GPHN: variants seen among roughly 807,000 people sequenced by gnomAD.
GPHN encodes gephyrin.
A neutral mutation model predicts 95.5 loss-of-function variants in GPHN; 17 were observed. That is an observed-to-expected ratio of 0.18 (90% CI 0.12 to 0.27). GPHN has a LOEUF of 0.27. Ranked by LOEUF, GPHN falls within the 10% of genes least tolerant of loss-of-function variation. The pLI, the probability that GPHN is intolerant of heterozygous loss-of-function variation, is 1.00. For synonymous variants in GPHN, 320 were observed against 322.5 expected (o/e 0.99, Z 0.08); for missense variants, 660 against 978.1 (o/e 0.67, Z 4.34).
chr14:67,359,905 C>A, the GPHN span: 1 of 589,326 alleles, frequency 1.7e-6, no homozygotes. Context: ...AGAACAGAGG[C>A]GTTGCCCGGA....
At chr14:67,270,144 A>G in the GPHN span, 1 of 152,182 alleles carries the variant, frequency 6.6e-6, no homozygotes, top group African/African-American at 2.4e-5. Flanking sequence ...TACCCTTTTC[A>G]GTGGGTCTGT....
chr14:67,033,239 A>G (rs2074271820), intron 10 of GPHN, among the ~76,000 whole-genome samples: 1 of 152,138 alleles, frequency 6.6e-6, no homozygotes, highest in Non-Finnish European at 1.5e-5. Flanking sequence ...AGGAGCAAAA[A>G]GAAAAAAAAG....
chr14:67,279,549 T>A, the GPHN span: 1 of 1,517,454 alleles, frequency 6.6e-7, no homozygotes, highest in Non-Finnish European at 8.8e-7. Context: ...TAAGTAAAAA[T>A]AGAGGTATAA....
intron 19 of GPHN, among the ~76,000 whole-genome samples, chr14:67,163,912 C>T (rs999678598): frequency 1.3e-5 from 2 of 151,922 alleles, no homozygotes; most frequent in Non-Finnish European, 2.9e-5. Context: ...TCCACCCCAC[C>T]TCCTATGATA....
At chr14:67,610,517 G>A in the GPHN span, among the ~76,000 whole-genome samples, 3 of 152,276 alleles carry the variant, frequency 2.0e-5, no homozygotes, top group Admixed American at 2.0e-4. Flanking sequence ...TCTGTTTTCT[G>A]TAAGTTGCTT....
At chr14:67,038,086 A>G (rs1317916500) in intron 10 of GPHN, among the ~76,000 whole-genome samples, 2 of 152,092 alleles carry the variant, frequency 1.3e-5, no homozygotes, top group Non-Finnish European at 2.9e-5. Flanking sequence ...GATAGGCAAA[A>G]TATGGTCTAT....
intron 15 of GPHN, among the ~76,000 whole-genome samples, chr14:67,112,507 G>A (rs1214909144): frequency 1.3e-5 from 2 of 152,168 alleles, no homozygotes; most frequent in African/African-American, 4.8e-5. Flanking sequence ...CAAGGTTAAT[G>A]TACCTCAGTA....
chr14:67,724,428 C>T, the GPHN span: 2 of 1,174,310 alleles, frequency 1.7e-6, no homozygotes, highest in Non-Finnish European at 2.5e-6. Flanking sequence ...TTAGTGTGAG[C>T]TCGTGAAGGA....
the GPHN span, among the ~76,000 whole-genome samples, chr14:67,306,513 TTGTGTGTG>T: frequency 1.4e-5 from 2 of 147,430 alleles, no homozygotes; most frequent in Non-Finnish European, 3.0e-5. Flanking sequence ...CTGGCTGAAT[TTGTGTGTG>T]TGTGTGTGTG....
intron 9 of GPHN, among the ~76,000 whole-genome samples, chr14:67,004,383 A>G (rs117029684): frequency 0.012 from 1,830 of 151,908 alleles, 19 homozygotes; most frequent in Non-Finnish European, 0.018. Flanking sequence ...TTTAACATCT[A>G]TACATTGCTA....
intron 2 of GPHN, among the ~76,000 whole-genome samples, chr14:66,696,326 G>C (rs193061573): frequency 6.6e-4 from 100 of 152,238 alleles, no homozygotes; most frequent in African/African-American, 2.3e-3. Flanking sequence ...GTAAAGTTTT[G>C]TTTTACTATC....
At chr14:67,097,200 G>A (rs2077441805) in intron 12 of GPHN, among the ~76,000 whole-genome samples, 1 of 152,134 alleles carries the variant, frequency 6.6e-6, no homozygotes, top group Non-Finnish European at 1.5e-5. Context: ...GAGGATGCAC[G>A]CAACTCTTGA....
chr14:66,571,430 C>CT (rs1418610185), intron 1 of GPHN, among the ~76,000 whole-genome samples: 2 of 152,142 alleles, frequency 1.3e-5, no homozygotes, highest in Non-Finnish European at 2.9e-5. Flanking sequence ...TTCTCTCATT[C>CT]TGTAGGCTGT....
chr14:67,619,843 G>A, the GPHN span: 3 of 603,940 alleles, frequency 5.0e-6, no homozygotes, highest in South Asian at 6.3e-5. Flanking sequence ...GGGCGGCGGG[G>A]CCAATGTGGC....
chr14:67,284,263 T>G, the GPHN span, among the ~76,000 whole-genome samples: 1 of 152,080 alleles, frequency 6.6e-6, no homozygotes, highest in Non-Finnish European at 1.5e-5. Flanking sequence ...CATAAAATTT[T>G]GTCTTTTAAA....
chr14:67,399,238 G>T, the GPHN span, among the ~76,000 whole-genome samples: 2 of 151,906 alleles, frequency 1.3e-5, no homozygotes, highest in East Asian at 1.9e-4. Context: ...TAGTTTAGGT[G>T]GCTGTCAGGT....
At chr14:66,637,943 A>G (rs929727604) in intron 1 of GPHN, among the ~76,000 whole-genome samples, 4 of 152,074 alleles carry the variant, frequency 2.6e-5, no homozygotes, top group Admixed American at 6.5e-5. Context: ...TTGATATTTT[A>G]TGACTTTTAT....
At chr14:67,660,954 G>A in the GPHN span, among the ~76,000 whole-genome samples, 6 of 152,160 alleles carry the variant, frequency 3.9e-5, no homozygotes, top group East Asian at 1.2e-3. Flanking sequence ...CTCCCATTAG[G>A]AAGAAGATAG....
At position 66,761,430 on chromosome 14, in the gene GPHN, G is replaced by C. The variant is rs113414696; in HGVS notation, c.144-15034G>C. Among the ~76,000 whole-genome samples the C allele has an allele frequency of 3.0e-3, 464 of 152,258 alleles. 11 individuals carry two copies. Among genetic ancestry groups the C allele is most frequent in the African/African-American group, 0.011 (439 of 41,548 alleles). The stretch of plus-strand genomic sequence containing the variant: ...GGATACAACAAGAAACTAACAATTT[G>C]TATGACAGTGTCAAATATTATTTTG... On this transcript the variant is annotated intron_variant, in intron 2 of 22. Coordinates refer to ENST00000478722, the MANE Select transcript of GPHN (RefSeq NM_020806.5).
Sources: allele counts gnomAD v4.1 joint callset (sites outside exome capture counted in the v4.1 genomes callset), GRCh38; gene constraint gnomAD v4.1.1; transcripts MANE v1.5; gene names NCBI Gene and HGNC (gene_info 2026-07-23, HGNC 2026-07-21).